CNTNAP5: variants seen among roughly 807,000 people sequenced by gnomAD.
The protein encoded by CNTNAP5 is contactin-associated protein-like 5.
In CNTNAP5, 72 loss-of-function variants were observed where a neutral mutation model predicts 150.2. The ratio of observed to expected loss-of-function variants is 0.48; its 90% confidence interval spans 0.40 to 0.58. The LOEUF (loss-of-function observed/expected upper bound fraction) is 0.58. Among genes scored for constraint, CNTNAP5 ranks in the 20% least tolerant of loss-of-function variants. The pLI is 0.00. For missense variants in CNTNAP5, 1,636 were observed against 1,626.2 expected (o/e 1.01, Z -0.10); for synonymous variants, 672 against 619.8 (o/e 1.08, Z -1.25).
intron 3 of CNTNAP5, among the ~76,000 whole-genome samples, chr2:124,314,166 C>T (rs1688901615): frequency 6.6e-6 from 1 of 152,144 alleles, no homozygotes; most frequent in Admixed American, 6.6e-5. Context: ...AGCTTTCAGA[C>T]GTGCCGGCCT....
intron 1 of CNTNAP5, among the ~76,000 whole-genome samples, chr2:124,062,636 A>G (rs1682042910): frequency 6.6e-6 from 1 of 152,164 alleles, no homozygotes; most frequent in Non-Finnish European, 1.5e-5. Context: ...TTATATACAC[A>G]GTGAAAGAAC....
At chr2:124,446,135 C>G (rs1403904286) in intron 5 of CNTNAP5, among the ~76,000 whole-genome samples, 2 of 152,160 alleles carry the variant, frequency 1.3e-5, no homozygotes, top group Non-Finnish European at 2.9e-5. Flanking sequence ...GATTCAAGTT[C>G]TGACCGTACC....
intron 6 of CNTNAP5, among the ~76,000 whole-genome samples, chr2:124,469,194 A>G (rs1229871401): frequency 2.6e-5 from 4 of 152,210 alleles, no homozygotes; most frequent in African/African-American, 9.6e-5. Flanking sequence ...TGCTCCCCTC[A>G]GTGTAATAGG....
chr2:124,396,183 A>T (rs1005853102), intron 3 of CNTNAP5, among the ~76,000 whole-genome samples: 1 of 152,200 alleles, frequency 6.6e-6, no homozygotes. Flanking sequence ...TGATTCAAAC[A>T]TTGTCAACAA....
At chr2:124,561,765 A>G (rs1695899257) in intron 10 of CNTNAP5, among the ~76,000 whole-genome samples, 1 of 152,192 alleles carries the variant, frequency 6.6e-6, no homozygotes, top group African/African-American at 2.4e-5. Context: ...ATTTGAAACA[A>G]TCATTGCTGG....
At chr2:124,262,807 A>G (rs1240924023) in intron 3 of CNTNAP5, among the ~76,000 whole-genome samples, 2 of 61,040 alleles carry the variant, frequency 3.3e-5, no homozygotes, top group African/African-American at 1.3e-4. Context: ...CCCTCCCCCC[A>G]CCCCACAACA....
chr2:124,610,640 A>G (rs1211287058), intron 12 of CNTNAP5, among the ~76,000 whole-genome samples: 1 of 152,170 alleles, frequency 6.6e-6, no homozygotes, highest in African/African-American at 2.4e-5. Flanking sequence ...CCACAAAACC[A>G]AATCTTGAGG....
At chr2:124,643,677 C>T (rs1463775240) in intron 12 of CNTNAP5, among the ~76,000 whole-genome samples, 1 of 152,186 alleles carries the variant, frequency 6.6e-6, no homozygotes, top group Non-Finnish European at 1.5e-5. Flanking sequence ...AGAGTCTTTA[C>T]TCATTTGAGT....
At chr2:124,687,978 T>C (rs970114314) in intron 13 of CNTNAP5, among the ~76,000 whole-genome samples, 2 of 152,098 alleles carry the variant, frequency 1.3e-5, no homozygotes, top group Non-Finnish European at 2.9e-5. Flanking sequence ...AGTGTTCAAA[T>C]TTATGAAACT....
At chr2:124,661,984 A>G (rs1678602152) in intron 13 of CNTNAP5, among the ~76,000 whole-genome samples, 1 of 152,036 alleles carries the variant, frequency 6.6e-6, no homozygotes. Context: ...TATTTCTCCT[A>G]ATGCTATCCC....
Position 124,504,328 on chromosome 2 carries a change from G to T in CNTNAP5, c.1099G>T (p.Val367Leu), listed in dbSNP as rs1448036921. ...TTTTTCCTGCTCCGAACCACAGATT[G>T]TGCCCATCACATTTGTCAACTCCAG... ...VTFSCSEPQI[V>L]PITFVNSSGS... Residue 367 changes from valine to leucine, a missense_variant, in exon 8 of 24, where the codon GTG becomes TTG. Transcript: ENST00000682447. 1.9e-6 allele frequency: 3 copies of T among 1,613,776 alleles called. No homozygotes were observed. In the South Asian group the frequency reaches 3.3e-5, roughly 18 times the overall value.
rs566506324 is a variant in CNTNAP5 at position 124,472,886 on chromosome 2, C to T, written c.919-1853C>T. On this transcript the variant is annotated intron_variant, in intron 6 of 23. Coordinates refer to ENST00000682447, the MANE Select transcript of CNTNAP5 (RefSeq NM_001367498.1). ...AGAGACCTACTTGCCACAGGGCTGA[C>T]GCAAATCTTCCATTCATGAAAACCA... 3.3e-5 allele frequency among the ~76,000 whole-genome samples: 5 copies of T among 151,820 alleles called. No individual in the cohort carries two copies. In the South Asian group the frequency reaches 6.2e-4, roughly 19 times the overall value.
chr2:124,804,078 T>C (rs1284365299), intron 19 of CNTNAP5, among the ~76,000 whole-genome samples: 1 of 152,238 alleles, frequency 6.6e-6, no homozygotes, highest in Non-Finnish European at 1.5e-5. Context: ...AAATTCCCAG[T>C]AGTCTTTTGC....
chr2:124,656,096 G>A (rs1413767273), intron 13 of CNTNAP5, among the ~76,000 whole-genome samples: 1 of 150,466 alleles, frequency 6.6e-6, no homozygotes, highest in Non-Finnish European at 1.5e-5. Context: ...ACTGCCACTA[G>A]CCCACATTCC....
chr2:124,776,950 A>AT (rs980921461), intron 17 of CNTNAP5, among the ~76,000 whole-genome samples: 8 of 152,028 alleles, frequency 5.3e-5, no homozygotes, highest in Non-Finnish European at 8.8e-5. Flanking sequence ...GTATACTTCA[A>AT]TTTTTTTAGG....
At chr2:124,120,065 G>T (rs1683524836) in intron 1 of CNTNAP5, among the ~76,000 whole-genome samples, 1 of 152,194 alleles carries the variant, frequency 6.6e-6, no homozygotes, top group Admixed American at 6.5e-5. Context: ...TCACTCTACT[G>T]TGCAGACAGG....
chr2:124,581,104 T>C (rs1696400535), intron 11 of CNTNAP5, among the ~76,000 whole-genome samples: 2 of 152,104 alleles, frequency 1.3e-5, no homozygotes, highest in South Asian at 4.2e-4. Flanking sequence ...ACCAGGGGAA[T>C]AGGTGGATCA....
At chr2:124,829,608 A>G (rs893606264) in intron 19 of CNTNAP5, among the ~76,000 whole-genome samples, 2 of 152,156 alleles carry the variant, frequency 1.3e-5, no homozygotes, top group Non-Finnish European at 2.9e-5. Flanking sequence ...TTAAAAAAAA[A>G]AATTGATAAT....
At chr2:124,259,938 T>G (rs1254874904) in intron 3 of CNTNAP5, among the ~76,000 whole-genome samples, 1 of 152,150 alleles carries the variant, frequency 6.6e-6, no homozygotes, top group Non-Finnish European at 1.5e-5. Context: ...ATGGCCATAC[T>G]GCCCAAGGTA....
Sources: gnomAD v4.1 joint callset for allele counts (sites outside exome capture counted in the v4.1 genomes callset) on GRCh38, gnomAD v4.1.1 for gene constraint, MANE v1.5 for transcripts, NCBI Gene and HGNC (gene_info 2026-07-23, HGNC 2026-07-21) for gene names.